NOP53: variants seen among roughly 807,000 people sequenced by gnomAD.
The protein encoded by NOP53 is ribosome biogenesis protein NOP53.
In NOP53, 40 loss-of-function variants were observed where a neutral mutation model predicts 61.0. That is an observed-to-expected ratio of 0.66 (90% CI 0.51 to 0.85). NOP53 has a LOEUF of 0.85. Among genes scored for constraint, NOP53 ranks in the 40% least tolerant of loss-of-function variants. The pLI, the probability that NOP53 is intolerant of heterozygous loss-of-function variation, is 0.00. For missense variants in NOP53, 689 were observed against 652.9 expected, an observed-to-expected ratio of 1.06 and a Z score of -0.60; for synonymous variants, 308 against 289.5, an observed-to-expected ratio of 1.06 and a Z score of -0.65.
chr19:47,752,950 A>G (rs921706419), intron 6 of NOP53: 1 of 234,676 alleles, frequency 4.3e-6, no homozygotes, highest in Non-Finnish European at 8.5e-6. Context: ...AAAGGCACAG[A>G]GTTGAGAGAG....
At chr19:47,748,399 C>A (rs1356642242) in intron 2 of NOP53, among the ~76,000 whole-genome samples, 1 of 152,026 alleles carries the variant, frequency 6.6e-6, no homozygotes, top group Admixed American at 6.6e-5. Flanking sequence ...TGTAGAAAAA[C>A]AAACTAAGAA....
At position 47,752,546 on chromosome 19, in the gene NOP53, C is replaced by T. The variant is rs759894596; in HGVS notation, c.704C>T (p.Ala235Val). 7.0e-5 allele frequency: 112 copies of T among 1,609,382 alleles called. 1 individual carries two copies. Among genetic ancestry groups the T allele is most frequent in the South Asian group, 3.1e-4 (28 of 91,054 alleles). The part of the protein sequence containing the change: ...PARLHTKPSQ[A>V]PAVEVAPAGA... The stretch of plus-strand genomic sequence containing the variant: ...CGCCTGCACACCAAGCCGTCCCAGG[C>T]ACCCGCCGTGGAGGTGGCGCCTGCC... Residue 235 changes from alanine to valine, a missense_variant, in exon 6 of 13, where the codon GCA (alanine) becomes GTA (valine). By Grantham distance (64) the Ala-to-Val change is moderately conservative. Transcript: ENST00000246802.
rs1455110924 is a variant in NOP53 at position 47,754,467 on chromosome 19, G to A, written c.766-60G>A. ...GATGAGGGACAGATGGGAGGTAAGAGGGTCTAGTCTCAGTGTCCCAGGAGG... is the reference window on the plus strand; with the variant it reads ...GATGAGGGACAGATGGGAGGTAAGAAGGTCTAGTCTCAGTGTCCCAGGAGG... On this transcript the variant is annotated intron_variant, in intron 6 of 12. Coordinates refer to ENST00000246802, the MANE Select transcript of NOP53 (RefSeq NM_015710.5). The surrounding 1 kb of genome is among the most constrained non-coding windows in gnomAD (Gnocchi z 4.2). The A allele has an allele frequency of 2.3e-6, 3 of 1,277,244 alleles. No individual in the cohort carries two copies. Among genetic ancestry groups the A allele is most frequent in the African/African-American group, 3.0e-5 (2 of 67,690 alleles). 79.1% of individuals were successfully genotyped at this position (1,277,244 alleles called of 1,614,324 possible). A position where few individuals can be genotyped will look rare whatever the true frequency, so the allele number is the denominator to read the frequency against.
chr19:47,753,538 C>G (rs1029910449), intron 6 of NOP53: 1 of 152,116 alleles, frequency 6.6e-6, no homozygotes, highest in East Asian at 1.9e-4. Context: ...ACCGCTTGTC[C>G]GAATCGTTTT....
intron 6 of NOP53, 38 bp downstream of exon 6, chr19:47,752,645 T>C: frequency 7.9e-7 from 1 of 1,264,382 alleles, no homozygotes; most frequent in Non-Finnish European, 1.2e-6. Context: ...CTCAGTGGGC[T>C]CTGCCTCTTG....
At chr19:47,756,034 T>G in intron 10 of NOP53, 3 of 578,460 alleles carry the variant, frequency 5.2e-6, no homozygotes, top group East Asian at 5.8e-5. Flanking sequence ...AAGAAGGCCT[T>G]TCCTTCCAGC....
chr19:47,747,769 T>C (rs1281642611), intron 2 of NOP53, among the ~76,000 whole-genome samples: 2 of 143,670 alleles, frequency 1.4e-5, no homozygotes, highest in African/African-American at 5.3e-5. Flanking sequence ...TTCTTTTCTT[T>C]TCTCTCTCTC....
intron 2 of NOP53, among the ~76,000 whole-genome samples, chr19:47,749,508 T>A (rs1465092374): frequency 6.6e-6 from 1 of 152,188 alleles, no homozygotes; most frequent in African/African-American, 2.4e-5. Flanking sequence ...GCTAAGCCTC[T>A]TGTGTGAGGT....
At chr19:47,751,911 G>T (rs1967129028) in intron 5 of NOP53, among the ~76,000 whole-genome samples, 1 of 151,612 alleles carries the variant, frequency 6.6e-6, no homozygotes, top group Admixed American at 6.6e-5. Flanking sequence ...AGACCAGCCT[G>T]ACCAACGTGG....
intron 1 of NOP53, chr19:47,746,110 G>A (rs1481261377): frequency 1.3e-5 from 5 of 371,214 alleles, no homozygotes; most frequent in South Asian, 1.2e-4. Context: ...GTGTGTGTGT[G>A]TATGTATATA....
chr19:47,747,695 G>A lies in NOP53; in HGVS notation c.289+664G>A, dbSNP rs575243039. 7.4e-5 allele frequency among the ~76,000 whole-genome samples: 11 copies of A among 149,604 alleles called. No homozygotes were observed. In the East Asian group the frequency reaches 2.3e-3, roughly 31 times the overall value. On this transcript the variant is annotated intron_variant, in intron 2 of 12. Transcript: ENST00000246802. The stretch of plus-strand genomic sequence containing the variant: ...ACAGTGGTGTGATCTCAGTTCAAGC[G>A]ATTCTCCTGCCTCAGCCTCCCAAGT...
Position 47,754,700 on chromosome 19 carries a change from C to T in NOP53, c.871-9C>T, listed in dbSNP as rs765866291. 1.2e-5 allele frequency: 19 copies of T among 1,535,616 alleles called. No homozygotes were observed. In the South Asian group the frequency reaches 2.2e-4, roughly 18 times the overall value. On this transcript the variant is annotated splice_polypyrimidine_tract_variant and intron_variant, in intron 7 of 12. Coordinates refer to ENST00000246802, the MANE Select transcript of NOP53 (RefSeq NM_015710.5). This position sits in a 1 kb window ranked among gnomAD's most constrained non-coding sequence, Gnocchi z 4.2. The stretch of plus-strand genomic sequence containing the variant: ...TACCCACCCCTGACACTGCACCCCG[C>T]CTCCCCAGGAGTCCACATTCCAGGA...
At chr19:47,747,938 G>A (rs1030080403) in intron 2 of NOP53, among the ~76,000 whole-genome samples, 1 of 151,886 alleles carries the variant, frequency 6.6e-6, no homozygotes, top group Non-Finnish European at 1.5e-5. Context: ...GTGCCACCAT[G>A]CCCGGCTAAT....
In NOP53 at chr19:47,752,707, C is replaced by G. The variant is rs1016244224; in HGVS notation, c.765+100C>G. ...GTGCTGGGAACTCCAATGACCCAGA[C>G]AGCCCTGGGCCTGTCCGCAACGGGG... On this transcript the variant is annotated intron_variant, in intron 6 of 12. Transcript: ENST00000246802. 5 of 770,578 alleles carry G rather than the reference C, an allele frequency of 6.5e-6. No homozygotes were observed. In the African/African-American group the frequency reaches 8.5e-5, roughly 13 times the overall value. 47.7% of individuals were successfully genotyped at this position (770,578 alleles called of 1,614,324 possible).
chr19:47,755,747 G>T lies in NOP53; in HGVS notation c.1230-9G>T, dbSNP rs1442147113. Reference sequence around the variant, plus strand: ...GGTGATATTTCTGAACACCCGCCCTGTTCTGCAGGTACCAGGCACCTGACA... The same window carrying T: ...GGTGATATTTCTGAACACCCGCCCTTTTCTGCAGGTACCAGGCACCTGACA... On this transcript the variant is annotated splice_polypyrimidine_tract_variant and intron_variant, in intron 9 of 12. Coordinates refer to ENST00000246802, the MANE Select transcript of NOP53 (RefSeq NM_015710.5). The T allele has an allele frequency of 6.2e-7, 1 of 1,607,400 alleles. No individual in the cohort carries two copies. The highest frequency in any genetic ancestry group is 2.2e-5 in the East Asian group (1 of 44,676).
In NOP53 at chr19:47,754,805, G is replaced by A. The variant is rs898400959; in HGVS notation, c.967G>A (p.Glu323Lys). 14 of 1,535,066 alleles carry A rather than the reference G, an allele frequency of 9.1e-6. No individual in the cohort carries two copies. Among genetic ancestry groups the A allele is most frequent in the Admixed American group, 4.6e-5 (2 of 43,024 alleles). Reference sequence around the variant, plus strand: ...CGAGGGGCCGGAGGCTGGGGATGCCGAGGTCTGTCCCACGCCCGCCCGCCT... The same window carrying A: ...CGAGGGGCCGGAGGCTGGGGATGCCAAGGTCTGTCCCACGCCCGCCCGCCT... ...QGEGPEAGDA[E>K]VCPTPARLAT... Residue 323 changes from glutamate (E) to lysine (K), a missense_variant, in exon 8 of 13, where the codon GAG becomes AAG. Transcript: ENST00000246802. This position sits in a 1 kb window ranked among gnomAD's most constrained non-coding sequence, Gnocchi z 4.2.
Position 47,755,816 on chromosome 19 carries a change from C to T in NOP53, c.1290C>T (p.Thr430=), listed in dbSNP as rs756645404. Residue 430 remains threonine, a synonymous_variant, in exon 10 of 13, where the codon ACC becomes ACT. Transcript: ENST00000246802. Reference sequence around the variant, plus strand: ...CGGAGCTGACAGACTCGCTCAGGACCCTGAAGGTGCTCACTGTGTCCTGCC... The same window carrying T: ...CGGAGCTGACAGACTCGCTCAGGACTCTGAAGGTGCTCACTGTGTCCTGCC... The part of the protein sequence containing the change: ...LSSELTDSLR[T]LKPEGNILRD... 1.1e-5 allele frequency: 17 copies of T among 1,607,712 alleles called. No homozygotes were observed. In the East Asian group the frequency reaches 3.6e-4, roughly 34 times the overall value.
At chr19:47,748,333 CAA>C (rs1204951768) in intron 2 of NOP53, among the ~76,000 whole-genome samples, 1 of 151,984 alleles carries the variant, frequency 6.6e-6, no homozygotes, top group African/African-American at 2.4e-5. Context: ...TCTGCTGAAA[CAA>C]GATGAGGCGT....
chr19:47,751,103 A>C lies in NOP53; in HGVS notation c.594A>C (p.Ser198=). The change falls in exon 4 of 13, where the codon TCA becomes TCC. Residue 198 remains serine, a synonymous_variant. Coordinates refer to ENST00000246802, the MANE Select transcript of NOP53 (RefSeq NM_015710.5). ...VERPFYDLWA[S]DNPLDRPLVG... Reference sequence around the variant, plus strand: ...GGCCCTTCTACGACCTCTGGGCCTCAGACAGTGAGTGATCCTGCTGTCACC... The same window carrying C: ...GGCCCTTCTACGACCTCTGGGCCTCCGACAGTGAGTGATCCTGCTGTCACC... 1 of 1,604,326 alleles carries C rather than the reference A, an allele frequency of 6.2e-7. No homozygotes were observed. Among genetic ancestry groups the C allele is most frequent in the Non-Finnish European group, 8.5e-7 (1 of 1,176,060 alleles).
Sources: allele counts gnomAD v4.1 joint callset (sites outside exome capture counted in the v4.1 genomes callset), GRCh38; gene constraint gnomAD v4.1.1; non-coding constraint Gnocchi (gnomAD v3.1); transcripts MANE v1.5; gene names NCBI Gene and HGNC (gene_info 2026-07-23, HGNC 2026-07-21).